CEP57L1: variants seen among roughly 807,000 people sequenced by gnomAD.
The protein encoded by CEP57L1 is centrosomal protein CEP57L1.
In CEP57L1, 37 loss-of-function variants were observed where a neutral mutation model predicts 61.0. That is an observed-to-expected ratio of 0.61 (90% confidence interval 0.47 to 0.80). The LOEUF (loss-of-function observed/expected upper bound fraction) is 0.80, where lower values mean the gene tolerates loss of function less well. Among genes scored for constraint, CEP57L1 ranks in the 30% least tolerant of loss-of-function variants. The pLI, the probability that CEP57L1 is intolerant of heterozygous loss-of-function variation, is 0.00. For synonymous variants in CEP57L1, 137 were observed against 162.3 expected (o/e 0.84, Z 1.19); for missense variants, 422 against 524.7 (o/e 0.80, Z 1.91).
intron 7 of CEP57L1, chr6:109,156,092 A>G (rs1160705001): frequency 2.8e-6 from 1 of 358,070 alleles, no homozygotes; most frequent in African/African-American, 2.2e-5. Context: ...AGTCATGTAC[A>G]AAATTTAGCT....
intron 1 of CEP57L1, among the ~76,000 whole-genome samples, chr6:109,120,000 A>G (rs1036743137): frequency 6.6e-6 from 1 of 152,214 alleles, no homozygotes; most frequent in Non-Finnish European, 1.5e-5. Context: ...TATCCAAAAT[A>G]TAAAGATTTC....
intron 1 of CEP57L1, among the ~76,000 whole-genome samples, chr6:109,129,852 T>C (rs1431371344): frequency 1.3e-5 from 2 of 152,050 alleles, no homozygotes; most frequent in East Asian, 3.8e-4. Context: ...AAAATTTCTT[T>C]AAAAATTGTT....
chr6:109,122,732 G>A (rs934680186), intron 1 of CEP57L1, among the ~76,000 whole-genome samples: 10 of 152,070 alleles, frequency 6.6e-5, no homozygotes, highest in African/African-American at 2.2e-4. Flanking sequence ...AACCCAACCC[G>A]GGAGGCGTAG....
chr6:109,123,907 A>T (rs1190163369), intron 1 of CEP57L1, among the ~76,000 whole-genome samples: 2 of 151,798 alleles, frequency 1.3e-5, no homozygotes, highest in African/African-American at 4.8e-5. Flanking sequence ...CGTCTTTATT[A>T]AAAAAATACA....
At chr6:109,108,824 T>C (rs1771232902) in intron 1 of CEP57L1, among the ~76,000 whole-genome samples, 2 of 152,202 alleles carry the variant, frequency 1.3e-5, no homozygotes, top group South Asian at 4.1e-4. Flanking sequence ...GAAGATGTTA[T>C]AGCATCTACT....
intron 1 of CEP57L1, among the ~76,000 whole-genome samples, chr6:109,112,942 T>C (rs1361451055): frequency 1.3e-5 from 2 of 152,186 alleles, no homozygotes; most frequent in African/African-American, 4.8e-5. Flanking sequence ...ATGTGGTCAA[T>C]TTTAGAATAA....
rs1337253384 is a variant in CEP57L1 at position 109,167,086 on chromosome 6, C to T, written c.*4116C>T. Reference sequence around the variant, plus strand: ...GATAAATAAAAATAATATTGACTGTCACTCATCTGAAAATAAATTTACTTC... The same window carrying T: ...GATAAATAAAAATAATATTGACTGTTACTCATCTGAAAATAAATTTACTTC... On this transcript the variant is annotated 3_prime_UTR_variant, in exon 11 of 11. Coordinates refer to ENST00000517392, the MANE Select transcript of CEP57L1 (RefSeq NM_001271852.3). 6.6e-6 allele frequency among the ~76,000 whole-genome samples: 1 copy of T among 152,144 alleles called. No homozygotes were observed. Among genetic ancestry groups the T allele is most frequent in the Non-Finnish European group, 1.5e-5 (1 of 68,030 alleles).
intron 1 of CEP57L1, chr6:109,100,125 T>C (rs1782200330): frequency 6.6e-6 from 1 of 152,226 alleles, no homozygotes; most frequent in Non-Finnish European, 1.5e-5. Context: ...TCAGTAGAGC[T>C]TAAGCACACA....
At chr6:109,137,572 T>G (rs1193820193) in intron 1 of CEP57L1, among the ~76,000 whole-genome samples, 2 of 152,192 alleles carry the variant, frequency 1.3e-5, no homozygotes, top group Non-Finnish European at 2.9e-5. Flanking sequence ...AGTGCTGGGA[T>G]TACAGGTGTG....
intron 3 of CEP57L1, among the ~76,000 whole-genome samples, chr6:109,147,975 G>A (rs1198426752): frequency 6.6e-6 from 1 of 152,146 alleles, no homozygotes; most frequent in Non-Finnish European, 1.5e-5. Context: ...AACTCTGGGA[G>A]AGTCAATACT....
chr6:109,118,370 G>A (rs1772556011), intron 1 of CEP57L1, among the ~76,000 whole-genome samples: 1 of 152,166 alleles, frequency 6.6e-6, no homozygotes, highest in African/African-American at 2.4e-5. Context: ...ACCTCAGCTA[G>A]CCAGGAAAAT....
chr6:109,101,475 A>G (rs1001889474), intron 1 of CEP57L1, among the ~76,000 whole-genome samples: 1 of 152,204 alleles, frequency 6.6e-6, no homozygotes, highest in Non-Finnish European at 1.5e-5. Flanking sequence ...GTTTTTATCA[A>G]TTATGAATAA....
intron 1 of CEP57L1, among the ~76,000 whole-genome samples, chr6:109,105,035 C>T (rs1203258841): frequency 6.6e-6 from 1 of 151,942 alleles, no homozygotes. Context: ...TTCCATTGTA[C>T]CTTTTGTTCC....
At position 109,119,483 on chromosome 6, in the gene CEP57L1, T is replaced by A. The variant is rs556762451; in HGVS notation, c.-4+23908T>A. ...TTGAGAATGGGGAGTAGGAGGATGA[T>A]CCTATTAAGTGAGATTACAAATATA... On this transcript the variant is annotated intron_variant, in intron 1 of 10. Transcript: ENST00000517392. 6.2e-4 allele frequency among the ~76,000 whole-genome samples: 94 copies of A among 152,268 alleles called. 1 individual carries two copies. The highest frequency in any genetic ancestry group is 3.4e-3 in the Middle Eastern group (1 of 294).
chr6:109,144,168 T>G (rs1771716929), intron 1 of CEP57L1, among the ~76,000 whole-genome samples: 1 of 152,198 alleles, frequency 6.6e-6, no homozygotes, highest in Non-Finnish European at 1.5e-5. Context: ...TCTAGGAGAT[T>G]GCCAATCATG....
At chr6:109,126,524 T>C (rs1205301954) in intron 1 of CEP57L1, among the ~76,000 whole-genome samples, 1 of 152,110 alleles carries the variant, frequency 6.6e-6, no homozygotes, top group Middle Eastern at 3.2e-3. Context: ...AATTATACAG[T>C]TTTATATTGT....
chr6:109,097,425 T>A (rs377124136), intron 1 of CEP57L1, among the ~76,000 whole-genome samples: 12 of 152,344 alleles, frequency 7.9e-5, no homozygotes, highest in African/African-American at 2.6e-4. Flanking sequence ...AACTCCTTTA[T>A]AAAGCCTGAC....
intron 9 of CEP57L1, 61 bp from the exon 10 acceptor site, chr6:109,160,511 A>G: frequency 1.5e-6 from 2 of 1,346,584 alleles, no homozygotes; most frequent in Non-Finnish European, 2.0e-6. Flanking sequence ...TTGCTTAATT[A>G]TGGCAAAGAA....
rs1275862607 is a variant in CEP57L1 at position 109,167,032 on chromosome 6, A to G, written c.*4062A>G. On this transcript the variant is annotated 3_prime_UTR_variant, in exon 11 of 11. Coordinates refer to ENST00000517392, the MANE Select transcript of CEP57L1 (RefSeq NM_001271852.3). Reference sequence around the variant, plus strand: ...AGATTTTTAAAAAACTATGCGTGCCATTGCACCTTTTAATTAAAGTGAGAT... The same window carrying G: ...AGATTTTTAAAAAACTATGCGTGCCGTTGCACCTTTTAATTAAAGTGAGAT... Among the ~76,000 whole-genome samples, 1 of 152,214 alleles carries G rather than the reference A, an allele frequency of 6.6e-6. No individual in the cohort carries two copies. Among genetic ancestry groups the G allele is most frequent in the Non-Finnish European group, 1.5e-5 (1 of 68,028 alleles).
Sources: allele counts gnomAD v4.1 joint callset (sites outside exome capture counted in the v4.1 genomes callset), GRCh38; gene constraint gnomAD v4.1.1; transcripts MANE v1.5; gene names NCBI Gene and HGNC (gene_info 2026-07-23, HGNC 2026-07-21).